The following TTLL11 variants were observed in gnomAD, a reference collection of about 807,000 sequenced individuals.
The protein encoded by TTLL11 is tubulin polyglutamylase TTLL11.
Under a neutral mutation model 51.7 loss-of-function variants are expected in TTLL11, and 42 were observed. The observed-to-expected ratio is 0.81, with a 90% CI of 0.64 to 1.05. The LOEUF is 1.05. TTLL11 is among the 50% of genes least tolerant of loss of function. TTLL11 has a pLI of 0.00. For missense variants in TTLL11, 799 were observed against 940.4 expected, an observed-to-expected ratio of 0.85 and a Z score of 1.97; for synonymous variants, 381 against 383.5, an observed-to-expected ratio of 0.99 and a Z score of 0.08.
chr9:121,891,101 A>C (rs1227509089), intron 6 of TTLL11, among the ~76,000 whole-genome samples: 1 of 152,088 alleles, frequency 6.6e-6, no homozygotes, highest in Admixed American at 6.5e-5. Flanking sequence ...ACCCCTTTTG[A>C]AGCCCTTTTC....
At chr9:122,053,674 A>G (rs1340640336) in intron 1 of TTLL11, among the ~76,000 whole-genome samples, 1 of 152,180 alleles carries the variant, frequency 6.6e-6, no homozygotes, top group African/African-American at 2.4e-5. Context: ...CCCAGAAAAA[A>G]GTATGCGCAG....
chr9:122,092,475 C>T (rs1258852973), intron 1 of TTLL11, among the ~76,000 whole-genome samples: 1 of 152,258 alleles, frequency 6.6e-6, no homozygotes, highest in Middle Eastern at 3.4e-3. Flanking sequence ...CTAACTTGAC[C>T]TGGAGGGGTC....
intron 7 of TTLL11, among the ~76,000 whole-genome samples, chr9:121,862,413 G>A (rs910247303): frequency 6.6e-6 from 1 of 152,058 alleles, no homozygotes; most frequent in African/African-American, 2.4e-5. Flanking sequence ...CATGGTGCCT[G>A]TCACCTGGTA....
At chr9:122,081,213 G>T (rs1342275490) in intron 1 of TTLL11, among the ~76,000 whole-genome samples, 1 of 152,174 alleles carries the variant, frequency 6.6e-6, no homozygotes, top group Non-Finnish European at 1.5e-5. Flanking sequence ...AGGAACTCAC[G>T]CTCTCTTCAG....
intron 2 of TTLL11, among the ~76,000 whole-genome samples, chr9:122,036,764 G>C (rs180949553): frequency 1.3e-5 from 2 of 152,250 alleles, no homozygotes; most frequent in East Asian, 1.9e-4. Context: ...ATATATGAGA[G>C]ACAGAAGATA....
At chr9:122,019,439 C>T (rs1367649525) in intron 3 of TTLL11, among the ~76,000 whole-genome samples, 1 of 152,090 alleles carries the variant, frequency 6.6e-6, no homozygotes, top group Non-Finnish European at 1.5e-5. Context: ...GGGGTCAGAT[C>T]CTTTTCATTT....
At chr9:121,938,116 G>A (rs1841299741) in intron 6 of TTLL11, among the ~76,000 whole-genome samples, 1 of 151,820 alleles carries the variant, frequency 6.6e-6, no homozygotes, top group Admixed American at 6.6e-5. Context: ...GGTGAAATCC[G>A]GTCTCTACTA....
At chr9:121,918,391 G>T (rs1260038873) in intron 6 of TTLL11, among the ~76,000 whole-genome samples, 3 of 152,188 alleles carry the variant, frequency 2.0e-5, no homozygotes, top group Non-Finnish European at 4.4e-5. Context: ...GGTAGCAACT[G>T]CCATCTGTTG....
At chr9:121,971,688 A>G (rs1359839294) in intron 6 of TTLL11, among the ~76,000 whole-genome samples, 2 of 143,978 alleles carry the variant, frequency 1.4e-5, no homozygotes, top group Non-Finnish European at 3.1e-5. Context: ...TGTAGAAAGA[A>G]GTAGACATGG....
rs139583677 is a variant in TTLL11 at position 122,025,592 on chromosome 9, C to T, written c.693+6131G>A. Among the ~76,000 whole-genome samples the T allele has an allele frequency of 4.6e-3, 697 of 152,232 alleles. 8 individuals carry two copies. Among genetic ancestry groups the T allele is most frequent in the African/African-American group, 0.016 (655 of 41,518 alleles). ...CTGTGATCGGGCCACTGCACTCCAT[C>T]CTGGGGGACAGAGCAAGACCCACTC... is the stretch of plus-strand genomic sequence containing the variant. On this transcript the variant is annotated intron_variant, in intron 3 of 8. Coordinates refer to ENST00000321582, the MANE Select transcript of TTLL11 (RefSeq NM_001139442.2).
In TTLL11 at chr9:121,909,248, C is replaced by G. The variant is rs572700322; in HGVS notation, c.1482-38500G>C. The stretch of plus-strand genomic sequence containing the variant: ...TTCCACTGGAGGCTAAATGATCAAA[C>G]AGCAAACTGCTGATCATGAGTGCAG... On this transcript the variant is annotated intron_variant, in intron 6 of 8. Transcript: ENST00000321582. Among the ~76,000 whole-genome samples the G allele has an allele frequency of 3.9e-5, 6 of 152,286 alleles. No homozygotes were observed. The South Asian group carries it at 6.2e-4, about 16-fold the overall frequency.
rs957246169 is a variant in TTLL11, at chr9:122,083,919, T to C, written c.462+8768A>G. ...TGGAAAGGGAGGGGGATGGGGTAGGTGGTTTGTTTCAGTTTTTATTTTATA... is the reference window on the plus strand; with the variant it reads ...TGGAAAGGGAGGGGGATGGGGTAGGCGGTTTGTTTCAGTTTTTATTTTATA... On this transcript the variant is annotated intron_variant, in intron 1 of 8. Transcript: ENST00000321582. Among the ~76,000 whole-genome samples, 75 of 152,266 alleles carry C rather than the reference T, an allele frequency of 4.9e-4. 2 individuals are homozygous for C. The highest frequency in any genetic ancestry group is 8.8e-5 in the Non-Finnish European group (6 of 68,010).
At chr9:121,905,822 G>C (rs1839925791) in intron 6 of TTLL11, among the ~76,000 whole-genome samples, 1 of 152,076 alleles carries the variant, frequency 6.6e-6, no homozygotes, top group African/African-American at 2.4e-5. Flanking sequence ...CATAATTTTG[G>C]ATTATGTCTT....
intron 1 of TTLL11, among the ~76,000 whole-genome samples, chr9:122,086,023 CA>C (rs1410417861): frequency 5.9e-5 from 9 of 152,174 alleles, no homozygotes; most frequent in Admixed American, 5.9e-4. Context: ...AAATAAAATG[CA>C]TGATTAAATT....
chr9:121,878,602 A>C (rs1456564697), intron 6 of TTLL11, among the ~76,000 whole-genome samples: 1 of 152,172 alleles, frequency 6.6e-6, no homozygotes, highest in African/African-American at 2.4e-5. Context: ...ACTTACTCTA[A>C]TGCCCTGGCT....
intron 1 of TTLL11, among the ~76,000 whole-genome samples, chr9:122,043,073 T>C (rs959021863): frequency 6.6e-5 from 10 of 152,172 alleles, no homozygotes; most frequent in Non-Finnish European, 1.3e-4. Context: ...AAGAGTAATG[T>C]AAACTATGGA....
intron 8 of TTLL11, among the ~76,000 whole-genome samples, chr9:121,834,360 G>A (rs1158391166): frequency 6.6e-6 from 1 of 152,138 alleles, no homozygotes; most frequent in African/African-American, 2.4e-5. Flanking sequence ...ATAGGGACAG[G>A]GACTCAGATG....
chr9:121,847,599 C>T (rs893644697), intron 8 of TTLL11, among the ~76,000 whole-genome samples: 4 of 151,976 alleles, frequency 2.6e-5, no homozygotes, highest in East Asian at 1.9e-4. Flanking sequence ...AAAACTCACA[C>T]GAGAATAAAC....
chr9:121,817,184 G>A lies in TTLL11; in HGVS notation c.*5403C>T, dbSNP rs1836436430. The A allele has an allele frequency of 6.6e-6, 1 of 152,194 alleles. No individual in the cohort carries two copies. Among genetic ancestry groups the A allele is most frequent in the East Asian group, 1.9e-4 (1 of 5,186 alleles). 9.4% of individuals were successfully genotyped at this position (152,194 alleles called of 1,614,324 possible). A position where few individuals can be genotyped will look rare whatever the true frequency, so the allele number is the denominator to read the frequency against. On this transcript the variant is annotated 3_prime_UTR_variant, in exon 9 of 9. Transcript: ENST00000321582. ...ATGGGGAAAAAATTAAGCTATTCTG[G>A]AGGGACACTCTGCCAATCACAAGGC...
Sources: gnomAD v4.1 joint callset for allele counts (sites outside exome capture counted in the v4.1 genomes callset) on GRCh38, gnomAD v4.1.1 for gene constraint, MANE v1.5 for transcripts, NCBI Gene and HGNC (gene_info 2026-07-23, HGNC 2026-07-21) for gene names.